The following FARP2 variants were observed in gnomAD, a reference collection of about 807,000 sequenced individuals.
FARP2 encodes the protein FERM, ARHGEF and pleckstrin domain-containing protein 2.
A neutral mutation model predicts 130.5 loss-of-function variants in FARP2; 111 were observed. That is an observed-to-expected ratio of 0.85 (90% CI 0.73 to 1.00). The LOEUF is 1.00. Among genes scored for constraint, FARP2 ranks in the 50% least tolerant of loss-of-function variants. FARP2 has a pLI of 0.00. For missense variants in FARP2, 1,385 were observed against 1,346.3 expected (o/e 1.03, Z -0.45); for synonymous variants, 504 against 516.9 (o/e 0.98, Z 0.34).
intron 2 of FARP2, among the ~76,000 whole-genome samples, chr2:241,381,218 C>G (rs569188619): frequency 3.3e-5 from 5 of 152,096 alleles, no homozygotes; most frequent in African/African-American, 9.7e-5. Context: ...CCGCTCCTGG[C>G]CTGTTCTGAT....
chr2:241,470,021 C>T (rs547810684), intron 18 of FARP2, among the ~76,000 whole-genome samples: 2 of 152,338 alleles, frequency 1.3e-5, no homozygotes, highest in South Asian at 4.1e-4. Flanking sequence ...ATGAAACATT[C>T]TCAGCTGACA....
chr2:241,437,662 A>ATTTTTTTTTT lies in FARP2; in HGVS notation c.1158+1127_1158+1128insTTTTTTTTTT, dbSNP rs1254102658. ...TACATATATATATATTTATTTATTTATTTATTTATTTTTTTTTTTTGAGAC... is the reference window on the plus strand; with the variant it reads ...TACATATATATATATTTATTTATTTATTTTTTTTTTTTTATTTATTTTTTTTTTTTGAGAC... On this transcript the variant is annotated intron_variant, in intron 12 of 26. Coordinates refer to ENST00000264042, the MANE Select transcript of FARP2 (RefSeq NM_014808.4). Among the ~76,000 whole-genome samples the ATTTTTTTTTT allele has an allele frequency of 4.5e-4, 61 of 135,390 alleles. 2 individuals carry two copies. Among genetic ancestry groups the ATTTTTTTTTT allele is most frequent in the East Asian group, 3.2e-3 (13 of 4,056 alleles). 88.8% of individuals were successfully genotyped at this position (135,390 alleles called of 152,430 possible).
chr2:241,480,892 T>C (rs1248686379), intron 19 of FARP2, among the ~76,000 whole-genome samples: 1 of 152,028 alleles, frequency 6.6e-6, no homozygotes, highest in African/African-American at 2.4e-5. Flanking sequence ...CCCGGCAGCA[T>C]TGATTGAACT....
At chr2:241,421,548 G>A (rs1177936285) in intron 8 of FARP2, among the ~76,000 whole-genome samples, 6 of 152,196 alleles carry the variant, frequency 3.9e-5, no homozygotes, top group Non-Finnish European at 7.3e-5. Flanking sequence ...ATTTTAGCCT[G>A]CTGGCTTTGG....
intron 17 of FARP2, chr2:241,466,679 C>A: frequency 1.2e-6 from 1 of 841,768 alleles, no homozygotes. Context: ...CCTTCACTCC[C>A]CTTCCAACCA....
intron 1 of FARP2, among the ~76,000 whole-genome samples, chr2:241,359,347 G>A (rs867312995): frequency 1.3e-5 from 2 of 151,958 alleles, no homozygotes; most frequent in African/African-American, 2.4e-5. Flanking sequence ...CCCCTTCCCC[G>A]CCCATCCTCC....
intron 5 of FARP2, among the ~76,000 whole-genome samples, chr2:241,408,929 T>C (rs1209762518): frequency 6.6e-6 from 1 of 152,172 alleles, no homozygotes; most frequent in East Asian, 1.9e-4. Flanking sequence ...AAAAAGTATT[T>C]TTATGAGTGA....
intron 2 of FARP2, among the ~76,000 whole-genome samples, chr2:241,382,705 CCAGAAACAG>C (rs1427619319): frequency 2.6e-5 from 4 of 152,090 alleles, no homozygotes; most frequent in Admixed American, 2.6e-4. Context: ...AAATTGTATT[CCAGAAACAG>C]CAGAAGCACC....
Position 241,475,273 on chromosome 2 carries a change from A to G in FARP2, c.2132-584A>G, listed in dbSNP as rs1363406433. Among the ~76,000 whole-genome samples, 1 of 152,244 alleles carries G rather than the reference A, an allele frequency of 6.6e-6. No homozygotes were observed. Among genetic ancestry groups the G allele is most frequent in the African/African-American group, 2.4e-5 (1 of 41,466 alleles). ...TGAACAACCTGAAGGCCTCAGGGGT[A>G]TCTGCAGGAGCAGGCGCCTGGTGGC... is the stretch of plus-strand genomic sequence containing the variant. On this transcript the variant is annotated intron_variant, in intron 18 of 26. Transcript: ENST00000264042. The surrounding 1 kb of genome is among the most constrained non-coding windows in gnomAD (Gnocchi z 4.4).
chr2:241,452,354 C>T (rs369871226), intron 13 of FARP2, among the ~76,000 whole-genome samples: 1 of 151,818 alleles, frequency 6.6e-6, no homozygotes, highest in Admixed American at 6.6e-5. Context: ...CCAACAACTT[C>T]GTGTATAAAT....
intron 13 of FARP2, chr2:241,444,743 T>C (rs1236512218): frequency 2.0e-5 from 3 of 152,220 alleles, no homozygotes. Flanking sequence ...CTGTTTTTGG[T>C]TTGTGTTAAT....
At chr2:241,433,415 A>C (rs371544237) in intron 9 of FARP2, among the ~76,000 whole-genome samples, 4 of 152,372 alleles carry the variant, frequency 2.6e-5, no homozygotes, top group African/African-American at 9.6e-5. Context: ...GGAATAACTG[A>C]GAGTGAATGC....
rs553033987 is a variant in FARP2, at chr2:241,470,444, G to A, written c.2131+2067G>A. 2.0e-5 allele frequency among the ~76,000 whole-genome samples: 3 copies of A among 151,768 alleles called. No homozygotes were observed. The South Asian group carries it at 6.3e-4, about 32-fold the overall frequency. ...ATGCGCTCTGAAGGGATCTTGGACG[G>A]AGGGGGACCCAATTCTGAGGGGACC... On this transcript the variant is annotated intron_variant, in intron 18 of 26. Coordinates refer to ENST00000264042, the MANE Select transcript of FARP2 (RefSeq NM_014808.4).
At chr2:241,455,828 C>T (rs2063819935) in intron 13 of FARP2, among the ~76,000 whole-genome samples, 1 of 147,512 alleles carries the variant, frequency 6.8e-6, no homozygotes. Context: ...CAAGCTCTGC[C>T]TCCTGGGTTC....
At chr2:241,466,107 C>T in intron 17 of FARP2, 1 of 1,084,624 alleles carries the variant, frequency 9.2e-7, no homozygotes, top group South Asian at 2.9e-5. Context: ...TCTGGGGAGG[C>T]AGCCAAGAGC....
chr2:241,407,824 C>G (rs902350891), intron 5 of FARP2, among the ~76,000 whole-genome samples: 3 of 152,088 alleles, frequency 2.0e-5, no homozygotes, highest in African/African-American at 7.2e-5. Context: ...GTTTACAGTA[C>G]AAATTTGAAA....
rs551834584 is a variant in FARP2, at chr2:241,406,030, A to G, written c.331+1189A>G. The stretch of plus-strand genomic sequence containing the variant: ...CTAAAACATAAACTGGGGGCCGGGC[A>G]CGGTGGCTCACGCCTGTAATCCCAG... On this transcript the variant is annotated intron_variant, in intron 4 of 26. Transcript: ENST00000264042. 2.0e-3 allele frequency among the ~76,000 whole-genome samples: 298 copies of G among 151,626 alleles called. 1 individual carries two copies. Among genetic ancestry groups the G allele is most frequent in the Admixed American group, 4.1e-3 (62 of 15,222 alleles).
chr2:241,408,252 G>A (rs1419448793), intron 5 of FARP2, among the ~76,000 whole-genome samples: 1 of 152,092 alleles, frequency 6.6e-6, no homozygotes, highest in African/African-American at 2.4e-5. Context: ...GGCACCTGTA[G>A]TCCCAGCTAC....
At chr2:241,440,652 G>A (rs1020810806) in intron 12 of FARP2, among the ~76,000 whole-genome samples, 3 of 152,108 alleles carry the variant, frequency 2.0e-5, no homozygotes, top group African/African-American at 2.4e-5. Flanking sequence ...CCCTCGCGAC[G>A]ATACATCTCT....
Sources: gnomAD v4.1 joint callset for allele counts (sites outside exome capture counted in the v4.1 genomes callset) on GRCh38, gnomAD v4.1.1 for gene constraint, Gnocchi (gnomAD v3.1) non-coding constraint, MANE v1.5 for transcripts, NCBI Gene and HGNC (gene_info 2026-07-23, HGNC 2026-07-21) for gene names.